TXNDC11: variants seen among roughly 807,000 people sequenced by gnomAD.
The protein encoded by TXNDC11 is thioredoxin domain-containing protein 11.
In TXNDC11, 68 loss-of-function variants were observed where a neutral mutation model predicts 78.0. That is an observed-to-expected ratio of 0.87 (90% CI 0.72 to 1.07). The LOEUF is 1.07. TXNDC11 is among the 50% of genes least tolerant of loss of function. The probability of loss-of-function intolerance (pLI) is 0.00; values close to 1 mark genes in which losing one functional copy is unlikely to be tolerated. For synonymous variants in TXNDC11, 571 were observed against 495.2 expected (o/e 1.15, Z -2.03); for missense variants, 1,389 against 1,221.8 (o/e 1.14, Z -2.04).
Position 11,698,160 on chromosome 16 carries a change from T to A in TXNDC11, c.1072A>T (p.Asn358Tyr). The A allele has an allele frequency of 4.3e-6, 7 of 1,614,200 alleles. No homozygotes were observed. The highest frequency in any genetic ancestry group is 5.1e-6 in the Non-Finnish European group (6 of 1,180,020). Residue 358 changes from asparagine (N) to tyrosine (Y), a missense_variant, in exon 7 of 12, where the codon AAT becomes TAT. Asn to Tyr is a moderately radical substitution (Grantham distance 143). Transcript: ENST00000283033. ...GPALFLFIPF[N>Y]PLAESHPLID... ...AAAGGATGACTTTCGGCCAGGGGAT[T>A]AAAAGGTATGAACAGAAACAGCGCT...
intron 8 of TXNDC11, among the ~76,000 whole-genome samples, chr16:11,688,921 T>G (rs1382420772): frequency 6.6e-6 from 1 of 152,108 alleles, no homozygotes; most frequent in Non-Finnish European, 1.5e-5. Context: ...TTTATTAAGG[T>G]TCTTTAAGTT....
intron 5 of TXNDC11, among the ~76,000 whole-genome samples, chr16:11,713,095 G>T (rs8061296): frequency 0.48 from 66,896 of 138,176 alleles, 16,046 homozygotes; most frequent in Middle Eastern, 0.6. Context: ...CAACAAGAGT[G>T]AAACTCTGTC....
chr16:11,710,781 C>T (rs146271821), intron 5 of TXNDC11, among the ~76,000 whole-genome samples: 617 of 152,316 alleles, frequency 4.1e-3, no homozygotes, highest in Middle Eastern at 0.01. Flanking sequence ...TGCCACTGCA[C>T]TCTAGCTTGG....
At chr16:11,686,650 T>C (rs2050574723) in intron 10 of TXNDC11, among the ~76,000 whole-genome samples, 1 of 152,264 alleles carries the variant, frequency 6.6e-6, no homozygotes, top group African/African-American at 2.4e-5. Context: ...TACTTTAATA[T>C]GTTAAATGAT....
At chr16:11,682,479 C>T (rs1348466439) in intron 11 of TXNDC11, among the ~76,000 whole-genome samples, 2 of 152,238 alleles carry the variant, frequency 1.3e-5, no homozygotes, top group Non-Finnish European at 2.9e-5. Context: ...GAAGGTCACT[C>T]AGCCCAGACG....
chr16:11,730,569 C>G, intron 4 of TXNDC11, 76 bp downstream of exon 4: 1 of 1,452,110 alleles, frequency 6.9e-7, no homozygotes, highest in Non-Finnish European at 9.4e-7. Flanking sequence ...TTTTTTAAAC[C>G]CCTTTAAAAC....
rs373958237 is a variant in TXNDC11 at position 11,679,375 on chromosome 16, C to T, written c.2697G>A (p.Ala899=). The T allele has an allele frequency of 2.2e-4, 348 of 1,610,794 alleles. 3 individuals carry two copies. In the South Asian group the frequency reaches 3.3e-3, roughly 15 times the overall value. ...TGCCCTCCAGTTTCCTCTCCATGGT[C>T]GCCACCAGGATCTTGAGCCACGTGT... ...TENTWLKILV[A]TMERKLEGRD... The change falls in exon 12 of 12, where the codon GCG becomes GCA. Residue 899 remains alanine, a synonymous_variant. Coordinates refer to ENST00000283033, the MANE Select transcript of TXNDC11 (RefSeq NM_015914.7). This position sits in a 1 kb window ranked among gnomAD's most constrained non-coding sequence, Gnocchi z 4.6.
At chr16:11,738,556 G>A (rs999374917) in intron 1 of TXNDC11, among the ~76,000 whole-genome samples, 4 of 152,102 alleles carry the variant, frequency 2.6e-5, no homozygotes, top group Admixed American at 2.6e-4. Context: ...AGAAGGGCAT[G>A]GTAGCTCCTC....
intron 5 of TXNDC11, among the ~76,000 whole-genome samples, chr16:11,705,297 T>A (rs2051151185): frequency 6.6e-6 from 1 of 152,224 alleles, no homozygotes. Flanking sequence ...ATTATGGAAC[T>A]CTCTGTTTTA....
In TXNDC11 at chr16:11,721,657, C is replaced by T. The variant is rs1416545641; in HGVS notation, c.713G>A (p.Gly238Glu). ...GGGTGAGCCACTGAACTCAAAGTAC[C>T]CGAGTACTCCAGGCTGCAGGAAAAA... ...FLSNYEPGVL[G>E]YFEFSGSPQP... The change falls in exon 5 of 12, where the codon GGG becomes GAG. Residue 238 changes from glycine (G) to glutamate (E), a missense_variant. Transcript: ENST00000283033. 1.4e-5 allele frequency: 23 copies of T among 1,609,948 alleles called. No homozygotes were observed. The highest frequency in any genetic ancestry group is 1.9e-5 in the Non-Finnish European group (22 of 1,177,186).
intron 1 of TXNDC11, among the ~76,000 whole-genome samples, chr16:11,739,982 CA>C (rs2052343847): frequency 6.6e-6 from 1 of 151,928 alleles, no homozygotes; most frequent in Non-Finnish European, 1.5e-5. Context: ...CACCTGAAGT[CA>C]GGAGTTCGAG....
intron 7 of TXNDC11, among the ~76,000 whole-genome samples, chr16:11,697,842 C>T (rs1474990741): frequency 2.0e-5 from 3 of 152,184 alleles, no homozygotes; most frequent in Non-Finnish European, 4.4e-5. Flanking sequence ...GGCATTTGGT[C>T]CTTCTCTAGA....
intron 6 of TXNDC11, 108 bp downstream of exon 6, chr16:11,700,344 C>G (rs942155370): frequency 5.8e-6 from 3 of 518,192 alleles, no homozygotes; most frequent in Non-Finnish European, 1.0e-5. Context: ...ATCATATGCG[C>G]TTTTCTAGAG....
At chr16:11,693,932 T>A (rs560793468) in intron 7 of TXNDC11, among the ~76,000 whole-genome samples, 48 of 152,310 alleles carry the variant, frequency 3.2e-4, no homozygotes, top group African/African-American at 9.6e-4. Flanking sequence ...CACGATTTAC[T>A]GTAATCTTTT....
chr16:11,699,068 G>T (rs1345968180), intron 6 of TXNDC11, among the ~76,000 whole-genome samples: 1 of 152,070 alleles, frequency 6.6e-6, no homozygotes, highest in Non-Finnish European at 1.5e-5. Flanking sequence ...TGCTTCAGAG[G>T]GTTCTGAAAA....
intron 7 of TXNDC11, among the ~76,000 whole-genome samples, chr16:11,696,954 A>C (rs1354239120): frequency 6.6e-6 from 1 of 152,198 alleles, no homozygotes. Flanking sequence ...ACCTTGACCG[A>C]AAACCTTCCT....
Position 11,742,497 on chromosome 16 carries a change from G to C in TXNDC11, c.234C>G (p.Leu78=). ...CTCACCTGCAGGTGAACTTGAGGGC[G>C]AGGAGCAGCGCGCAGCCGAGCGCCA... ...GAVALGCALL[L]ALKFTCSRAK... is the part of the protein sequence containing the mutation. Residue 78 remains leucine, a synonymous_variant, in exon 1 of 12, where the codon CTC becomes CTG. Coordinates refer to ENST00000283033, the MANE Select transcript of TXNDC11 (RefSeq NM_015914.7). The C allele has an allele frequency of 1.4e-6, 2 of 1,452,884 alleles. No homozygotes were observed. Among genetic ancestry groups the C allele is most frequent in the Non-Finnish European group, 1.8e-6 (2 of 1,111,014 alleles). The allele number at this position is 1,452,884 out of a possible 1,614,324, so 90.0% of individuals were successfully genotyped here. A position where few individuals can be genotyped will look rare whatever the true frequency, so the allele number is the denominator to read the frequency against.
intron 4 of TXNDC11, 41 bp from the exon 5 acceptor site, chr16:11,721,711 C>T (rs2051713509): frequency 1.7e-6 from 2 of 1,158,720 alleles, no homozygotes; most frequent in African/African-American, 1.5e-5. Context: ...GAGGCACTGT[C>T]AGCCACAGTG....
chr16:11,692,611 G>A (rs564982561), intron 7 of TXNDC11, among the ~76,000 whole-genome samples: 1 of 152,286 alleles, frequency 6.6e-6, no homozygotes, highest in East Asian at 1.9e-4. Flanking sequence ...AGTGAAATTC[G>A]TGTGTAGTAT....
Sources: allele counts gnomAD v4.1 joint callset (sites outside exome capture counted in the v4.1 genomes callset), GRCh38; gene constraint gnomAD v4.1.1; non-coding constraint Gnocchi (gnomAD v3.1); transcripts MANE v1.5; gene names NCBI Gene and HGNC (gene_info 2026-07-23, HGNC 2026-07-21).